TBCB: variants seen among roughly 807,000 people sequenced by gnomAD.
The protein encoded by TBCB is tubulin-folding cofactor B.
A neutral mutation model predicts 29.2 loss-of-function variants in TBCB; 18 were observed. The ratio of observed to expected loss-of-function variants is 0.62; its 90% confidence interval spans 0.43 to 0.91. TBCB has a LOEUF of 0.91. TBCB is among the 40% of genes least tolerant of loss of function. The pLI is 0.00. For synonymous variants in TBCB, 172 were observed against 137.8 expected (o/e 1.25, Z -1.74); for missense variants, 336 against 337.6 (o/e 1.00, Z 0.04).
chr19:36,115,464 C>T (rs1244250815), upstream of TBCB: 16 of 919,996 alleles, frequency 1.7e-5, 1 homozygote, highest in South Asian at 2.3e-4. Context: ...GAGCAGGAGG[C>T]GGGGCTGATA....
chr19:36,116,285 C>T, intron 2 of TBCB, 101 bp downstream of exon 2: 1 of 1,496,652 alleles, frequency 6.7e-7, no homozygotes, highest in Non-Finnish European at 9.1e-7. Context: ...CGAGATAGGT[C>T]CTGCCTTCGT....
Position 36,121,686 on chromosome 19 carries a change from A to G in TBCB, c.515A>G (p.Gln172Arg). 1 of 1,557,712 alleles carries G rather than the reference A, an allele frequency of 6.4e-7. No individual in the cohort carries two copies. The highest frequency in any genetic ancestry group is 2.4e-5 in the East Asian group (1 of 41,896). ...GSRCEVRAAG[Q>R]SPRRGTVMYV... Reference sequence around the variant, plus strand: ...CGCTGTGAGGTGCGGGCGGCGGGACAATCCCCTCGCCGGGGCACCGTCATG... The same window carrying G: ...CGCTGTGAGGTGCGGGCGGCGGGACGATCCCCTCGCCGGGGCACCGTCATG... Residue 172 changes from glutamine to arginine, a missense_variant, in exon 4 of 6, where the codon CAA becomes CGA. Physicochemically the swap from Gln to Arg is conservative, Grantham distance 43. Transcript: ENST00000221855.
chr19:36,115,681 C>T lies in TBCB; in HGVS notation c.114+7C>T. On this transcript the variant is annotated splice_region_variant and intron_variant, in intron 1 of 5. Coordinates refer to ENST00000221855, the MANE Select transcript of TBCB (RefSeq NM_001281.3). ...CACCATCGCTGAGTTCAAGGTGTGGCCATGGGGGCGGGGTCCGGAGGGGCG... is the reference window on the plus strand; with the variant it reads ...CACCATCGCTGAGTTCAAGGTGTGGTCATGGGGGCGGGGTCCGGAGGGGCG... 1 of 1,586,594 alleles carries T rather than the reference C, an allele frequency of 6.3e-7. No individual in the cohort carries two copies. The highest frequency in any genetic ancestry group is 1.1e-5 in the South Asian group (1 of 87,322).
intron 2 of TBCB, 125 bp from the exon 3 acceptor site, chr19:36,120,585 G>T: frequency 1.4e-6 from 1 of 731,188 alleles, no homozygotes; most frequent in Admixed American, 2.4e-5. Context: ...GAGAAGAGAA[G>T]GCTGCAGTAC....
chr19:36,115,054 G>C, upstream of TBCB: 1 of 607,492 alleles, frequency 1.6e-6, no homozygotes. Flanking sequence ...ATATCTTAGA[G>C]TAATTGCTTC....
rs376064713 is a variant in TBCB at position 36,120,759 on chromosome 19, G to C, written c.308G>C (p.Arg103Pro). Residue 103 changes from arginine to proline, a missense_variant, in exon 3 of 6, where the codon CGG (arginine) becomes CCG (proline). By Grantham distance (103) the Arg-to-Pro change is moderately radical. Coordinates refer to ENST00000221855, the MANE Select transcript of TBCB (RefSeq NM_001281.3). Reference protein sequence around the residue: ...ARLGEYEDVSRVEKYTISQEA... With the variant: ...ARLGEYEDVSPVEKYTISQEA... ...CTTGGTGAGTATGAGGACGTGTCCCGGGTGGAGAAGTACACGATCTCACAA... is the reference window on the plus strand; with the variant it reads ...CTTGGTGAGTATGAGGACGTGTCCCCGGTGGAGAAGTACACGATCTCACAA... 1.9e-6 allele frequency: 3 copies of C among 1,613,780 alleles called. No individual in the cohort carries two copies. The African/African-American group carries it at 4.0e-5, about 22-fold the overall frequency.
intron 4 of TBCB, among the ~76,000 whole-genome samples, chr19:36,122,953 C>T (rs1295982241): frequency 6.6e-6 from 1 of 152,106 alleles, no homozygotes; most frequent in African/African-American, 2.4e-5. Flanking sequence ...CGTCTTTATG[C>T]CTGTGTGTAC....
intron 5 of TBCB, 68 bp downstream of exon 5, chr19:36,125,591 G>C (rs1599867716): frequency 6.2e-7 from 1 of 1,609,142 alleles, no homozygotes; most frequent in East Asian, 2.2e-5. Flanking sequence ...GCTGCTTGCT[G>C]AGCTGCCCAT....
chr19:36,118,121 T>C (rs1214088517), intron 2 of TBCB, among the ~76,000 whole-genome samples: 1 of 152,224 alleles, frequency 6.6e-6, no homozygotes, highest in Non-Finnish European at 1.5e-5. Context: ...CCAGTCTACA[T>C]GACTCTAGAG....
chr19:36,123,758 G>A (rs1025446547), intron 4 of TBCB, among the ~76,000 whole-genome samples: 3 of 152,112 alleles, frequency 2.0e-5, no homozygotes, highest in Admixed American at 1.3e-4. Context: ...GCCTGTGATC[G>A]CAGCTACCCG....
At chr19:36,115,009 C>A, upstream of TBCB, 1 of 711,424 alleles carries the variant, frequency 1.4e-6, no homozygotes, top group Non-Finnish European at 2.4e-6. Context: ...CGGCTCTCTC[C>A]GCGCAGAGGT....
At chr19:36,125,555 G>T (rs1480954575) in intron 5 of TBCB, 32 bp downstream of exon 5, 3 of 1,613,620 alleles carry the variant, frequency 1.9e-6, no homozygotes, top group East Asian at 4.5e-5. Context: ...GTGTCTGTGT[G>T]TGCATTTGTG....
chr19:36,121,027 T>G (rs1974039329), intron 3 of TBCB, among the ~76,000 whole-genome samples: 2 of 90,440 alleles, frequency 2.2e-5, no homozygotes, highest in Non-Finnish European at 4.5e-5. Context: ...CAGTCAGACG[T>G]GGTCGGGGGA....
At chr19:36,120,216 G>A (rs1355194052) in intron 2 of TBCB, among the ~76,000 whole-genome samples, 2 of 152,198 alleles carry the variant, frequency 1.3e-5, no homozygotes, top group African/African-American at 2.4e-5. Flanking sequence ...TGAGGGCAGA[G>A]TGCGTCTGTG....
At chr19:36,120,918 G>A (rs961626243) in intron 3 of TBCB, 112 bp downstream of exon 3, 4 of 983,876 alleles carry the variant, frequency 4.1e-6, no homozygotes, top group Non-Finnish European at 6.2e-6. Context: ...GTGTAGACGG[G>A]GGGCCGAGAG....
chr19:36,115,172 G>C, upstream of TBCB: 1 of 554,560 alleles, frequency 1.8e-6, no homozygotes, highest in South Asian at 2.4e-5. Flanking sequence ...ATCCAGGACA[G>C]AAGCCAAGGC....
At chr19:36,119,686 GT>G (rs1434768051) in intron 2 of TBCB, among the ~76,000 whole-genome samples, 1 of 152,150 alleles carries the variant, frequency 6.6e-6, no homozygotes, top group Non-Finnish European at 1.5e-5. Flanking sequence ...GAGGTCAGGA[GT>G]TCTAGACCAG....
upstream of TBCB, chr19:36,115,034 C>T (rs1973919957): frequency 1.6e-6 from 1 of 632,974 alleles, no homozygotes; most frequent in Admixed American, 2.9e-5. Flanking sequence ...TGGCTTGCTT[C>T]AATCTTTTGA....
intron 4 of TBCB, chr19:36,121,987 C>T (rs1974062837): frequency 7.3e-6 from 4 of 547,364 alleles, no homozygotes; most frequent in Admixed American, 3.4e-5. Flanking sequence ...CTGTGCGCTT[C>T]GAAGCGTGGG....
Sources: gnomAD v4.1 joint callset for allele counts (sites outside exome capture counted in the v4.1 genomes callset) on GRCh38, gnomAD v4.1.1 for gene constraint, MANE v1.5 for transcripts, NCBI Gene and HGNC (gene_info 2026-07-23, HGNC 2026-07-21) for gene names.